The following KLF12 variants were observed in gnomAD, a reference collection of about 807,000 sequenced individuals.
The protein encoded by KLF12 is KLF transcription factor 12.
A neutral mutation model predicts 37.8 loss-of-function variants in KLF12; 9 were observed. The observed-to-expected ratio is 0.24, with a 90% CI of 0.14 to 0.42. The LOEUF (loss-of-function observed/expected upper bound fraction) is 0.42. KLF12 is among the 10% of genes least tolerant of loss of function. KLF12 has a pLI of 1.00. For missense variants in KLF12, 411 were observed against 516.0 expected, an observed-to-expected ratio of 0.80 and a Z score of 1.97; for synonymous variants, 208 against 202.1, an observed-to-expected ratio of 1.03 and a Z score of -0.25.
At chr13:74,237,464 G>T in the KLF12 span, among the ~76,000 whole-genome samples, 5 of 137,854 alleles carry the variant, frequency 3.6e-5, no homozygotes, top group South Asian at 6.6e-4. Flanking sequence ...AGTAGTTTTT[G>T]CCAATTCTGC....
chr13:73,926,832 A>G (rs1245913538), intron 3 of KLF12, among the ~76,000 whole-genome samples: 1 of 152,060 alleles, frequency 6.6e-6, no homozygotes, highest in African/African-American at 2.4e-5. Context: ...TATCTGTAGA[A>G]TTGTATCATT....
At chr13:74,210,606 C>G in the KLF12 span, among the ~76,000 whole-genome samples, 1 of 152,066 alleles carries the variant, frequency 6.6e-6, no homozygotes, top group Non-Finnish European at 1.5e-5. Context: ...GAATTCATAC[C>G]CTTTGCTAAA....
At chr13:73,929,468 C>T (rs1371695573) in intron 3 of KLF12, among the ~76,000 whole-genome samples, 2 of 152,196 alleles carry the variant, frequency 1.3e-5, no homozygotes, top group Non-Finnish European at 2.9e-5. Context: ...AAAATCCACA[C>T]ATCGTATCGC....
At chr13:74,155,684 G>A in the KLF12 span, among the ~76,000 whole-genome samples, 1 of 152,046 alleles carries the variant, frequency 6.6e-6, no homozygotes, top group African/African-American at 2.4e-5. Context: ...TTTTTAAGAT[G>A]GCAGAAAAAC....
upstream of KLF12, among the ~76,000 whole-genome samples, chr13:74,135,930 G>C (rs1878540376): frequency 6.6e-6 from 1 of 152,174 alleles, no homozygotes; most frequent in Non-Finnish European, 1.5e-5. Context: ...CTTCAGGCGC[G>C]GTGTGCGTTC....
chr13:73,889,951 C>T (rs1224866434), intron 3 of KLF12, among the ~76,000 whole-genome samples: 3 of 152,090 alleles, frequency 2.0e-5, no homozygotes, highest in African/African-American at 7.2e-5. Context: ...TTGAAGCCTA[C>T]TCTTCACAAA....
the KLF12 span, among the ~76,000 whole-genome samples, chr13:74,166,087 C>CTTT: frequency 0.01 from 1,085 of 103,672 alleles, 40 homozygotes; most frequent in African/African-American, 0.033. Context: ...GCATAAACAC[C>CTTT]TTTTTTTTTT....
intron 5 of KLF12, among the ~76,000 whole-genome samples, chr13:73,797,187 C>T (rs919344635): frequency 5.9e-5 from 9 of 152,158 alleles, no homozygotes; most frequent in Admixed American, 3.3e-4. Context: ...CCTCAGGGAT[C>T]GTCCTTCTGC....
intron 3 of KLF12, among the ~76,000 whole-genome samples, chr13:73,936,684 G>A (rs1217807952): frequency 3.9e-5 from 6 of 152,130 alleles, no homozygotes; most frequent in Non-Finnish European, 8.8e-5. Flanking sequence ...CTTCCTCCCT[G>A]CTTTGCCGCC....
upstream of KLF12, among the ~76,000 whole-genome samples, chr13:74,134,508 G>A (rs1294021432): frequency 2.0e-5 from 3 of 151,386 alleles, no homozygotes; most frequent in African/African-American, 7.3e-5. Flanking sequence ...CCGCCGGGCT[G>A]GGTCCGCGGC....
At chr13:73,725,930 G>A (rs1876632433) in intron 6 of KLF12, among the ~76,000 whole-genome samples, 1 of 151,752 alleles carries the variant, frequency 6.6e-6, no homozygotes, top group Non-Finnish European at 1.5e-5. Flanking sequence ...GTGCAATGGT[G>A]CTATCTCGGC....
the KLF12 span, among the ~76,000 whole-genome samples, chr13:74,174,724 A>G: frequency 6.6e-6 from 1 of 152,194 alleles, no homozygotes; most frequent in African/African-American, 2.4e-5. Context: ...CACGTCTCTC[A>G]GTGCTTTCTA....
upstream of KLF12, among the ~76,000 whole-genome samples, chr13:74,137,753 T>TTTTA (rs1217911193): frequency 5.9e-5 from 9 of 151,946 alleles, no homozygotes; most frequent in East Asian, 1.9e-4. Context: ...TTATTTTTTA[T>TTTTA]TTTATTTATT....
At chr13:73,995,827 T>A (rs1397427990) in intron 1 of KLF12, among the ~76,000 whole-genome samples, 5 of 152,230 alleles carry the variant, frequency 3.3e-5, no homozygotes, top group African/African-American at 1.2e-4. Flanking sequence ...CTCAGCATTA[T>A]GTTACTTGCT....
intron 3 of KLF12, among the ~76,000 whole-genome samples, chr13:73,865,906 A>T (rs1018310758): frequency 1.3e-5 from 2 of 152,208 alleles, no homozygotes; most frequent in Non-Finnish European, 2.9e-5. Context: ...TGAACTGAAA[A>T]ATGAATGAGC....
At chr13:74,092,296 C>CAAAAAACA (rs540649105) in intron 1 of KLF12, among the ~76,000 whole-genome samples, 1 of 136,794 alleles carries the variant, frequency 7.3e-6, no homozygotes, top group African/African-American at 2.9e-5. Context: ...GACTCCGTCT[C>CAAAAAACA]AAAAAAAAAA....
At chr13:73,903,843 A>C (rs777186974) in intron 3 of KLF12, among the ~76,000 whole-genome samples, 9 of 152,176 alleles carry the variant, frequency 5.9e-5, no homozygotes, top group Non-Finnish European at 8.8e-5. Context: ...CGGGAGCCCT[A>C]CTGTAACTGT....
intron 1 of KLF12, among the ~76,000 whole-genome samples, chr13:74,000,416 CAG>C (rs1285534628): frequency 6.6e-6 from 1 of 151,884 alleles, no homozygotes; most frequent in South Asian, 2.1e-4. Context: ...AGAAAGATTT[CAG>C]AGGTCAATAA....
intron 6 of KLF12, among the ~76,000 whole-genome samples, chr13:73,750,461 GGAGGGCCTCAGGCTTGA>G (rs1169803106): frequency 6.6e-6 from 1 of 152,106 alleles, no homozygotes; most frequent in Non-Finnish European, 1.5e-5. Context: ...CCTTCATACT[GGAGGGCCTCAGGCTTGA>G]GGAGAAGGTG....
Sources: allele counts gnomAD v4.1 joint callset (sites outside exome capture counted in the v4.1 genomes callset), GRCh38; gene constraint gnomAD v4.1.1; transcripts MANE v1.5; gene names NCBI Gene and HGNC (gene_info 2026-07-23, HGNC 2026-07-21).